The following TMX4 variants were observed in gnomAD, a reference collection of about 807,000 sequenced individuals.
TMX4 encodes the protein thioredoxin related transmembrane protein 4.
A neutral mutation model predicts 33.3 loss-of-function variants in TMX4; 23 were observed. The observed-to-expected ratio is 0.69, with a 90% CI of 0.50 to 0.98. TMX4 has a LOEUF of 0.98. Among genes scored for constraint, TMX4 ranks in the 50% least tolerant of loss-of-function variants. The pLI is 0.00. For synonymous variants in TMX4, 164 were observed against 161.5 expected (o/e 1.02, Z -0.12); for missense variants, 399 against 448.9 (o/e 0.89, Z 1.01).
chr20:8,000,735 T>C (rs542708118), intron 3 of TMX4, among the ~76,000 whole-genome samples: 1 of 152,292 alleles, frequency 6.6e-6, no homozygotes, highest in South Asian at 2.1e-4. Flanking sequence ...TGAGGAATTC[T>C]CAATATGTAT....
chr20:7,991,345 C>A (rs759876604), intron 5 of TMX4, among the ~76,000 whole-genome samples: 2 of 152,220 alleles, frequency 1.3e-5, no homozygotes, highest in East Asian at 3.8e-4. Flanking sequence ...CATTTAAATG[C>A]TAAACTTAGT....
At chr20:7,992,589 G>C (rs1171717105) in intron 5 of TMX4, among the ~76,000 whole-genome samples, 2 of 152,140 alleles carry the variant, frequency 1.3e-5, no homozygotes, top group Non-Finnish European at 2.9e-5. Context: ...GAACATAGGG[G>C]AGGTTGGTAT....
intron 3 of TMX4, among the ~76,000 whole-genome samples, chr20:8,000,711 T>C (rs980147712): frequency 6.6e-6 from 1 of 152,132 alleles, no homozygotes; most frequent in African/African-American, 2.4e-5. Context: ...ATATTTCAAC[T>C]TTTACCTCAA....
At chr20:7,988,028 A>T (rs2050638100) in intron 5 of TMX4, among the ~76,000 whole-genome samples, 1 of 152,190 alleles carries the variant, frequency 6.6e-6, no homozygotes, top group Non-Finnish European at 1.5e-5. Flanking sequence ...GATGACAAAC[A>T]CTCTAAAAAT....
At chr20:8,007,596 G>A (rs2050736222) in intron 2 of TMX4, among the ~76,000 whole-genome samples, 1 of 152,126 alleles carries the variant, frequency 6.6e-6, no homozygotes, top group Non-Finnish European at 1.5e-5. Flanking sequence ...CACAGGGTGT[G>A]GTCCCTAGCT....
intron 7 of TMX4, 76 bp downstream of exon 7, chr20:7,983,718 C>CT: frequency 8.7e-7 from 1 of 1,154,284 alleles, no homozygotes; most frequent in Non-Finnish European, 1.2e-6. Context: ...AGAAAACCCA[C>CT]TATCTATATG....
At chr20:8,002,324 G>C (rs1009588768) in intron 2 of TMX4, among the ~76,000 whole-genome samples, 2 of 152,090 alleles carry the variant, frequency 1.3e-5, no homozygotes, top group African/African-American at 4.8e-5. Flanking sequence ...TATTCTCACA[G>C]AGCTTATAGT....
chr20:7,999,293 T>G (rs149002931), intron 4 of TMX4, among the ~76,000 whole-genome samples: 2 of 152,348 alleles, frequency 1.3e-5, no homozygotes, highest in East Asian at 3.9e-4. Context: ...CTGTGGTATT[T>G]TGCGAGGCAG....
chr20:7,977,739 G>A lies in TMX4; in HGVS notation c.*4512C>T, dbSNP rs2050586311. The A allele has an allele frequency of 6.6e-6, 1 of 152,226 alleles. No individual in the cohort carries two copies. Among genetic ancestry groups the A allele is most frequent in the Admixed American group, 6.5e-5 (1 of 15,288 alleles). 9.4% of individuals were successfully genotyped at this position (152,226 alleles called of 1,614,324 possible). On this transcript the variant is annotated 3_prime_UTR_variant, in exon 8 of 8. Coordinates refer to ENST00000246024, the MANE Select transcript of TMX4 (RefSeq NM_021156.4). ...ACATATTGCATTGCAAATAAGCAAT[G>A]TTTTTAGTATAAAAATTGCATTTCC...
intron 2 of TMX4, among the ~76,000 whole-genome samples, chr20:8,008,851 C>G (rs2050740886): frequency 6.6e-6 from 1 of 152,142 alleles, no homozygotes; most frequent in Non-Finnish European, 1.5e-5. Flanking sequence ...TTGTCCATCT[C>G]TAGATGGAGG....
intron 5 of TMX4, among the ~76,000 whole-genome samples, chr20:7,992,380 C>T (rs576777586): frequency 7.9e-5 from 12 of 152,106 alleles, no homozygotes; most frequent in Non-Finnish European, 1.0e-4. Flanking sequence ...TGCAGGTGAG[C>T]GCCATCATGA....
chr20:8,015,108 G>A (rs936061371), intron 1 of TMX4, among the ~76,000 whole-genome samples: 1 of 151,950 alleles, frequency 6.6e-6, no homozygotes, highest in African/African-American at 2.4e-5. Flanking sequence ...AACATGTGAT[G>A]TAAGCCATGT....
rs1320854807 is a variant in TMX4, at chr20:7,988,032, T to A, written c.514-643A>T. On this transcript the variant is annotated intron_variant, in intron 5 of 7. Coordinates refer to ENST00000246024, the MANE Select transcript of TMX4 (RefSeq NM_021156.4). ...AGACTCTATTTGATGACAAACACTC[T>A]AAAAATGAGTGAAGGGACATAATCA... Among the ~76,000 whole-genome samples the A allele has an allele frequency of 2.0e-5, 3 of 152,308 alleles. No individual in the cohort carries two copies. In the East Asian group the frequency reaches 5.8e-4, roughly 29 times the overall value.
At chr20:7,999,919 A>G in intron 3 of TMX4, 59 bp from the exon 4 acceptor site, 1 of 1,553,746 alleles carries the variant, frequency 6.4e-7, no homozygotes, top group South Asian at 1.2e-5. Flanking sequence ...GTTACAGATA[A>G]TAAAAATTAA....
intron 5 of TMX4, among the ~76,000 whole-genome samples, chr20:7,988,135 T>G (rs565956386): frequency 1.3e-5 from 2 of 152,304 alleles, no homozygotes; most frequent in Admixed American, 1.3e-4. Flanking sequence ...CAAAACCTAC[T>G]TAGATGTAGA....
At chr20:7,991,456 C>T (rs1366720546) in intron 5 of TMX4, among the ~76,000 whole-genome samples, 1 of 152,182 alleles carries the variant, frequency 6.6e-6, no homozygotes, top group Non-Finnish European at 1.5e-5. Flanking sequence ...TTACACTTAC[C>T]AGGTGAACAT....
chr20:8,005,386 T>C (rs2050724493), intron 2 of TMX4, among the ~76,000 whole-genome samples: 2 of 152,216 alleles, frequency 1.3e-5, no homozygotes, highest in African/African-American at 4.8e-5. Flanking sequence ...TGCCCTTTCC[T>C]CGGCTTCTAC....
At chr20:7,985,399 G>A (rs917058235) in intron 6 of TMX4, among the ~76,000 whole-genome samples, 16 of 150,762 alleles carry the variant, frequency 1.1e-4, no homozygotes, top group African/African-American at 2.9e-4. Flanking sequence ...TCAGCCTCCC[G>A]AGTAGCTGGG....
chr20:7,985,186 G>A (rs2050625323), intron 6 of TMX4, among the ~76,000 whole-genome samples: 1 of 150,752 alleles, frequency 6.6e-6, no homozygotes, highest in South Asian at 2.1e-4. Flanking sequence ...GCAGTTGTGT[G>A]TTTACTTTAA....
Sources: allele counts gnomAD v4.1 joint callset (sites outside exome capture counted in the v4.1 genomes callset), GRCh38; gene constraint gnomAD v4.1.1; transcripts MANE v1.5; gene names NCBI Gene and HGNC (gene_info 2026-07-23, HGNC 2026-07-21).